The following FNDC3A variants were observed in gnomAD, a reference collection of about 807,000 sequenced individuals.
FNDC3A encodes the protein fibronectin type-III domain-containing protein 3A.
FNDC3A carries 32 observed loss-of-function variants against 148.9 expected under a neutral mutation model. That is an observed-to-expected ratio of 0.21 (90% CI 0.16 to 0.29). The LOEUF (loss-of-function observed/expected upper bound fraction) is 0.29, where lower values mean the gene tolerates loss of function less well. FNDC3A is among the 10% of genes least tolerant of loss of function. The probability of loss-of-function intolerance (pLI) is 1.00; values close to 1 mark genes in which losing one functional copy is unlikely to be tolerated. For synonymous variants in FNDC3A, 472 were observed against 473.6 expected (o/e 1.00, Z 0.04); for missense variants, 1,191 against 1,452.8 (o/e 0.82, Z 2.93).
intron 4 of FNDC3A, among the ~76,000 whole-genome samples, chr13:49,115,680 G>A (rs1040366508): frequency 1.3e-5 from 2 of 152,182 alleles, no homozygotes; most frequent in African/African-American, 4.8e-5. Context: ...CAGTCTCAGT[G>A]CCTTCATTAT....
intron 2 of FNDC3A, among the ~76,000 whole-genome samples, chr13:49,068,484 T>C (rs1418760815): frequency 6.6e-6 from 1 of 152,126 alleles, no homozygotes; most frequent in Non-Finnish European, 1.5e-5. Flanking sequence ...GAATCAACCA[T>C]TGTGGCGATT....
chr13:49,181,726 G>T (rs1351911210), intron 14 of FNDC3A, among the ~76,000 whole-genome samples: 2 of 151,656 alleles, frequency 1.3e-5, no homozygotes, highest in African/African-American at 2.4e-5. Flanking sequence ...ATTTTAGAGA[G>T]ATCTTAGAAC....
intron 2 of FNDC3A, among the ~76,000 whole-genome samples, chr13:49,015,274 T>C (rs1177475268): frequency 6.6e-6 from 1 of 152,206 alleles, no homozygotes; most frequent in East Asian, 1.9e-4. Flanking sequence ...TTTTATCTCC[T>C]TGAGCAATGG....
At chr13:49,146,051 A>G in intron 8 of FNDC3A, 116 bp downstream of exon 8, 1 of 706,928 alleles carries the variant, frequency 1.4e-6, no homozygotes, top group Non-Finnish European at 2.3e-6. Context: ...TGAATCTTTA[A>G]GTTGGCTAAT....
chr13:49,139,825 A>G lies in FNDC3A; in HGVS notation c.819+1020A>G, dbSNP rs570611763. Among the ~76,000 whole-genome samples the G allele has an allele frequency of 2.3e-4, 35 of 152,278 alleles. No homozygotes were observed. The South Asian group carries it at 5.6e-3, about 24-fold the overall frequency. Reference sequence around the variant, plus strand: ...TACCTGTGACAACCATATATGTACTATTTTCCCTGCTTTACAAATGAGGAA... The same window carrying G: ...TACCTGTGACAACCATATATGTACTGTTTTCCCTGCTTTACAAATGAGGAA... On this transcript the variant is annotated intron_variant, in intron 7 of 25. Coordinates refer to ENST00000492622, the MANE Select transcript of FNDC3A (RefSeq NM_001079673.2).
rs138457721 is a variant in FNDC3A at position 49,017,398 on chromosome 13, G to A, written c.99+11109G>A. ...TTTTGATCTTTGTTGGTTTAAAGTC[G>A]TTTTATTAGATACTAGGATTGCAAC... On this transcript the variant is annotated intron_variant, in intron 2 of 25. Transcript: ENST00000492622. 7.6e-3 allele frequency among the ~76,000 whole-genome samples: 1,152 copies of A among 152,020 alleles called. 19 individuals carry two copies. Among genetic ancestry groups the A allele is most frequent in the African/African-American group, 0.026 (1,091 of 41,438 alleles).
chr13:49,197,006 T>C lies in FNDC3A; in HGVS notation c.2340+16T>C, dbSNP rs1441242391. The C allele has an allele frequency of 6.3e-6, 9 of 1,433,562 alleles. No individual in the cohort carries two copies. Among genetic ancestry groups the C allele is most frequent in the South Asian group, 3.6e-5 (3 of 84,050 alleles). 88.8% of individuals were successfully genotyped at this position (1,433,562 alleles called of 1,614,324 possible). On this transcript the variant is annotated intron_variant, in intron 20 of 25. Transcript: ENST00000492622. ...GAATTGGGAGGTATTGTAATTTCCA[T>C]TGACTTGTATCTACTTTCTTAAGTG...
intron 1 of FNDC3A, among the ~76,000 whole-genome samples, chr13:49,002,706 G>C (rs1952147142): frequency 6.6e-6 from 1 of 152,092 alleles, no homozygotes; most frequent in African/African-American, 2.4e-5. Context: ...TATGTAGCCT[G>C]TATTCTTTTG....
In FNDC3A at chr13:49,051,326, AT is replaced by A. The variant is rs368961125; in HGVS notation, c.100-23960del. On this transcript the variant is annotated intron_variant, in intron 2 of 25. Coordinates refer to ENST00000492622, the MANE Select transcript of FNDC3A (RefSeq NM_001079673.2). ...GTGTATTTTGCGGATTTGTTTCAAG[AT>A]TTAGAGCTCCTTTTAGCAGTTCTTG... 6.2e-4 allele frequency among the ~76,000 whole-genome samples: 94 copies of A among 152,286 alleles called. 1 individual carries two copies. In the South Asian group the frequency reaches 0.019, roughly 31 times the overall value.
Position 49,208,595 on chromosome 13 carries a change from G to T in FNDC3A, c.*1200G>T, listed in dbSNP as rs1031523865. ...CAATTGCATAATTCATTAATGTTTT[G>T]TGAGCTTGCATTTGTGAGTTATTGG... is the stretch of plus-strand genomic sequence containing the variant. On this transcript the variant is annotated 3_prime_UTR_variant, in exon 26 of 26. Coordinates refer to ENST00000492622, the MANE Select transcript of FNDC3A (RefSeq NM_001079673.2). 1 of 152,574 alleles carries T rather than the reference G, an allele frequency of 6.6e-6. No homozygotes were observed. Among genetic ancestry groups the T allele is most frequent in the Non-Finnish European group, 1.5e-5 (1 of 68,034 alleles). 9.5% of individuals were successfully genotyped at this position (152,574 alleles called of 1,614,324 possible). A position where few individuals can be genotyped will look rare whatever the true frequency, so the allele number is the denominator to read the frequency against.
intron 4 of FNDC3A, among the ~76,000 whole-genome samples, chr13:49,116,358 TG>T (rs1249341644): frequency 2.0e-5 from 3 of 152,226 alleles, no homozygotes; most frequent in Admixed American, 1.3e-4. Context: ...TGTTCAACAG[TG>T]TTCCACAAAT....
chr13:49,072,936 T>C (rs1877799870), intron 2 of FNDC3A, among the ~76,000 whole-genome samples: 1 of 152,246 alleles, frequency 6.6e-6, no homozygotes, highest in African/African-American at 2.4e-5. Context: ...CTTCTTTTCT[T>C]CTTTGTATGC....
Position 49,081,802 on chromosome 13 carries a change from CTG to C in FNDC3A, c.175+6440_175+6441del, listed in dbSNP as rs1878489552. Among the ~76,000 whole-genome samples the C allele has an allele frequency of 2.0e-5, 3 of 152,208 alleles. No individual in the cohort carries two copies. In the South Asian group the frequency reaches 6.2e-4, roughly 32 times the overall value. ...AGTGAGGGACAAAAATGAATAAGCA[CTG>C]TTTATTTTCTCAAGCTTATTTGTCA... On this transcript the variant is annotated intron_variant, in intron 3 of 25. Coordinates refer to ENST00000492622, the MANE Select transcript of FNDC3A (RefSeq NM_001079673.2).
chr13:49,123,651 CAAAA>C (rs1039246100), intron 4 of FNDC3A, among the ~76,000 whole-genome samples: 6 of 134,858 alleles, frequency 4.4e-5, no homozygotes, highest in African/African-American at 1.6e-4. Flanking sequence ...AACAAATTTA[CAAAA>C]AAAAAAACCA....
intron 2 of FNDC3A, among the ~76,000 whole-genome samples, chr13:49,008,643 G>A (rs1205109599): frequency 6.6e-6 from 1 of 152,098 alleles, no homozygotes; most frequent in African/African-American, 2.4e-5. Context: ...GTTTAGTACA[G>A]TAAACATTTC....
At chr13:49,052,546 G>A (rs1875917241) in intron 2 of FNDC3A, among the ~76,000 whole-genome samples, 1 of 152,212 alleles carries the variant, frequency 6.6e-6, no homozygotes, top group Non-Finnish European at 1.5e-5. Flanking sequence ...TCTTGCAGCT[G>A]TGGATACCAG....
chr13:49,086,795 C>CT (rs1323548610), intron 3 of FNDC3A, among the ~76,000 whole-genome samples: 2 of 152,098 alleles, frequency 1.3e-5, no homozygotes, highest in East Asian at 3.8e-4. Flanking sequence ...AAAATTTGCT[C>CT]TTTATACTTC....
intron 3 of FNDC3A, among the ~76,000 whole-genome samples, chr13:49,092,449 T>C (rs6561496): frequency 0.66 from 100,536 of 152,000 alleles, 33,420 homozygotes; most frequent in Admixed American, 0.69. Context: ...TCTAGCGGTA[T>C]TGGCAGCTGA....
chr13:49,004,440 G>A lies in FNDC3A; in HGVS notation c.-39-1712G>A, dbSNP rs576970603. 2.6e-5 allele frequency among the ~76,000 whole-genome samples: 4 copies of A among 152,070 alleles called. No individual in the cohort carries two copies. The South Asian group carries it at 8.3e-4, about 32-fold the overall frequency. ...ACTAAAATTAAAGATAATACCTTAGGCAAATTGACCAATGGGTTGAAAATT... is the reference window on the plus strand; with the variant it reads ...ACTAAAATTAAAGATAATACCTTAGACAAATTGACCAATGGGTTGAAAATT... On this transcript the variant is annotated intron_variant, in intron 1 of 25. Coordinates refer to ENST00000492622, the MANE Select transcript of FNDC3A (RefSeq NM_001079673.2).
Sources: gnomAD v4.1 joint callset for allele counts (sites outside exome capture counted in the v4.1 genomes callset) on GRCh38, gnomAD v4.1.1 for gene constraint, MANE v1.5 for transcripts, NCBI Gene and HGNC (gene_info 2026-07-23, HGNC 2026-07-21) for gene names.